The following PRKG1 variants were observed in gnomAD, a reference collection of about 807,000 sequenced individuals.
The protein encoded by PRKG1 is protein kinase cGMP-dependent 1.
In PRKG1, 35 loss-of-function variants were observed where a neutral mutation model predicts 88.1. That is an observed-to-expected ratio of 0.40 (90% CI 0.30 to 0.53). PRKG1 has a LOEUF of 0.53. Ranked by LOEUF, PRKG1 falls within the 20% of genes least tolerant of loss-of-function variation. The pLI is 0.59. For missense variants in PRKG1, 540 were observed against 839.8 expected (o/e 0.64, Z 4.41); for synonymous variants, 303 against 292.5 (o/e 1.04, Z -0.37).
intron 2 of PRKG1, among the ~76,000 whole-genome samples, chr10:51,232,389 G>T (rs1336651467): frequency 6.6e-6 from 1 of 152,172 alleles, no homozygotes; most frequent in Non-Finnish European, 1.5e-5. Context: ...TACTGAAGGA[G>T]CAGCTGTTTG....
At chr10:51,619,055 G>A (rs1278462040) in intron 3 of PRKG1, among the ~76,000 whole-genome samples, 1 of 151,830 alleles carries the variant, frequency 6.6e-6, no homozygotes, top group African/African-American at 2.4e-5. Context: ...GGGATTACAG[G>A]CGTAAGCCAC....
At chr10:51,873,401 G>A (rs556998122) in intron 4 of PRKG1, among the ~76,000 whole-genome samples, 1 of 151,996 alleles carries the variant, frequency 6.6e-6, no homozygotes, top group Non-Finnish European at 1.5e-5. Context: ...TTAGTTATGT[G>A]AGAGTTGTAA....
At chr10:52,001,913 A>T (rs1287728049) in intron 5 of PRKG1, among the ~76,000 whole-genome samples, 5 of 152,032 alleles carry the variant, frequency 3.3e-5, no homozygotes, top group Non-Finnish European at 5.9e-5. Context: ...AAATGGTTAC[A>T]CAAAACACAT....
intron 7 of PRKG1, among the ~76,000 whole-genome samples, chr10:52,110,057 G>T (rs1847521407): frequency 6.6e-6 from 1 of 151,702 alleles, no homozygotes; most frequent in South Asian, 2.1e-4. Context: ...TAGAAGACCT[G>T]ATTCTAGGCC....
intron 3 of PRKG1, among the ~76,000 whole-genome samples, chr10:51,542,937 A>G (rs965431821): frequency 6.6e-6 from 1 of 152,188 alleles, no homozygotes; most frequent in Non-Finnish European, 1.5e-5. Context: ...GTCATAAATG[A>G]CAACATAGGA....
At chr10:51,191,676 T>A (rs1229251340) in intron 2 of PRKG1, among the ~76,000 whole-genome samples, 2 of 151,820 alleles carry the variant, frequency 1.3e-5, no homozygotes, top group Non-Finnish European at 2.9e-5. Flanking sequence ...ATTACCATTA[T>A]CCTCATTTTA....
chr10:51,080,474 A>G (rs551788114), intron 1 of PRKG1, among the ~76,000 whole-genome samples: 1 of 152,224 alleles, frequency 6.6e-6, no homozygotes, highest in Admixed American at 6.5e-5. Flanking sequence ...GAGGGTCTCC[A>G]TGGTATCCTA....
chr10:52,168,182 GA>G (rs1181713227), intron 9 of PRKG1, among the ~76,000 whole-genome samples: 1 of 152,194 alleles, frequency 6.6e-6, no homozygotes, highest in East Asian at 1.9e-4. Flanking sequence ...TCCAGTGGGG[GA>G]CTGAGGCATA....
At chr10:51,813,345 C>A (rs1319526160) in intron 4 of PRKG1, among the ~76,000 whole-genome samples, 1 of 152,056 alleles carries the variant, frequency 6.6e-6, no homozygotes, top group Non-Finnish European at 1.5e-5. Context: ...TACATTTGCA[C>A]CAACCTAATA....
At chr10:51,360,218 A>G (rs540922609) in intron 2 of PRKG1, among the ~76,000 whole-genome samples, 1 of 151,920 alleles carries the variant, frequency 6.6e-6, no homozygotes, top group Non-Finnish European at 1.5e-5. Flanking sequence ...CTGGAGATGT[A>G]TGAATTCACT....
chr10:52,286,290 A>G lies in PRKG1; in HGVS notation c.1710-2436A>G, dbSNP rs1167986667. 2.6e-5 allele frequency among the ~76,000 whole-genome samples: 4 copies of G among 152,038 alleles called. No homozygotes were observed. In the East Asian group the frequency reaches 5.8e-4, roughly 22 times the overall value. ...AATGCCAAAAGATAGTATATCAAGA[A>G]CTACGTAGTTCTGAGGGTCAGAGAA... On this transcript the variant is annotated intron_variant, in intron 14 of 17. Coordinates refer to ENST00000373980, the MANE Select transcript of PRKG1 (RefSeq NM_006258.4).
intron 1 of PRKG1, among the ~76,000 whole-genome samples, chr10:51,086,927 C>A (rs982926843): frequency 2.6e-5 from 4 of 152,140 alleles, no homozygotes; most frequent in African/African-American, 9.7e-5. Context: ...GAAAATGGCT[C>A]AAGTATACAT....
intron 1 of PRKG1, among the ~76,000 whole-genome samples, chr10:51,147,201 A>G (rs1043199841): frequency 1.3e-5 from 2 of 152,174 alleles, no homozygotes; most frequent in African/African-American, 2.4e-5. Flanking sequence ...CATAAGAGGA[A>G]TAAGTTCCAG....
intron 5 of PRKG1, among the ~76,000 whole-genome samples, chr10:52,034,763 A>G (rs1332931916): frequency 2.6e-5 from 4 of 151,990 alleles, no homozygotes; most frequent in Non-Finnish European, 5.9e-5. Flanking sequence ...TAGACAGAAG[A>G]TAGTAGGGAT....
chr10:51,028,581 G>A (rs201583440), intron 1 of PRKG1, among the ~76,000 whole-genome samples: 1 of 151,266 alleles, frequency 6.6e-6, no homozygotes. Flanking sequence ...GAGAAGCCAG[G>A]AAAAAAAAAT....
At chr10:51,872,692 A>G (rs1841189679) in intron 4 of PRKG1, among the ~76,000 whole-genome samples, 1 of 152,182 alleles carries the variant, frequency 6.6e-6, no homozygotes, top group African/African-American at 2.4e-5. Flanking sequence ...ATTATTTATA[A>G]GCAAGTAGCA....
At chr10:51,483,193 T>G in intron 3 of PRKG1, among the ~76,000 whole-genome samples, 1 of 152,046 alleles carries the variant, frequency 6.6e-6, no homozygotes, top group East Asian at 1.9e-4. Flanking sequence ...GCTAATTTTT[T>G]GTATTTTTAG....
intron 2 of PRKG1, among the ~76,000 whole-genome samples, chr10:51,254,086 A>G (rs1385324656): frequency 6.6e-6 from 1 of 151,936 alleles, no homozygotes; most frequent in African/African-American, 2.4e-5. Context: ...AGTGTTTAAT[A>G]TTATACACAC....
intron 4 of PRKG1, among the ~76,000 whole-genome samples, chr10:51,847,673 T>C (rs1840434857): frequency 6.6e-6 from 1 of 150,784 alleles, no homozygotes; most frequent in Admixed American, 6.6e-5. Flanking sequence ...AATGACAGTT[T>C]TTTTCTCCTC....
Sources: allele counts gnomAD v4.1 joint callset (sites outside exome capture counted in the v4.1 genomes callset), GRCh38; gene constraint gnomAD v4.1.1; transcripts MANE v1.5; gene names NCBI Gene and HGNC (gene_info 2026-07-23, HGNC 2026-07-21).